The following TEX11 variants were observed in gnomAD, a reference collection of about 807,000 sequenced individuals.
The protein encoded by TEX11 is testis-expressed protein 11.
Under a neutral mutation model 84.4 loss-of-function variants are expected in TEX11, and 7 were observed. The observed-to-expected ratio is 0.08, with a 90% CI of 0.05 to 0.16. The LOEUF is 0.16. Ranked by LOEUF, TEX11 falls within the 10% of genes least tolerant of loss-of-function variation. The probability of loss-of-function intolerance (pLI) is 1.00; values close to 1 mark genes in which losing one functional copy is unlikely to be tolerated. For synonymous variants in TEX11, 264 were observed against 222.8 expected, an observed-to-expected ratio of 1.18 and a Z score of -1.64; for missense variants, 551 against 660.5, an observed-to-expected ratio of 0.83 and a Z score of 1.82.
chrX:70,844,004 CT>C (rs905160727), intron 7 of TEX11, among the ~76,000 whole-genome samples: 1 of 110,992 alleles, frequency 9.0e-6, no homozygotes, highest in Non-Finnish European at 1.9e-5. Context: ...TGCTTTTACA[CT>C]GTTGGTGGGA....
At chrX:70,718,547 CA>C (rs1247277026) in intron 13 of TEX11, among the ~76,000 whole-genome samples, 1 of 111,936 alleles carries the variant, frequency 8.9e-6, no homozygotes, top group East Asian at 2.8e-4. Flanking sequence ...TCATATTCAC[CA>C]AAAAGGTCAG....
chrX:70,604,101 CGGTAGTTA>C (rs2147520141), intron 24 of TEX11, among the ~76,000 whole-genome samples: 1 of 111,355 alleles, frequency 9.0e-6, no homozygotes. Flanking sequence ...TAAAAAAGAA[CGGTAGTTA>C]GAAACAAACA....
At chrX:70,835,756 T>C (rs1203732939) in intron 7 of TEX11, among the ~76,000 whole-genome samples, 2 of 111,969 alleles carry the variant, frequency 1.8e-5, no homozygotes, top group Non-Finnish European at 3.8e-5. Context: ...GGATCACAGA[T>C]GTGAAAGCAT....
intron 13 of TEX11, among the ~76,000 whole-genome samples, chrX:70,685,385 C>T (rs1603219717): frequency 9.0e-6 from 1 of 111,634 alleles, no homozygotes; most frequent in Non-Finnish European, 1.9e-5. Context: ...TGTGTTTGGA[C>T]AACTGGACAT....
intron 25 of TEX11, among the ~76,000 whole-genome samples, chrX:70,561,764 A>C (rs1307854724): frequency 8.9e-6 from 1 of 112,002 alleles, no homozygotes; most frequent in Non-Finnish European, 1.9e-5. Flanking sequence ...ATTTGCATAT[A>C]CATAATACAT....
chrX:70,700,715 G>A (rs894166652), intron 13 of TEX11, among the ~76,000 whole-genome samples: 3 of 112,387 alleles, frequency 2.7e-5, no homozygotes, highest in Non-Finnish European at 5.6e-5. Flanking sequence ...AGGAAGGCAT[G>A]TTGAAAGCCA....
intron 8 of TEX11, among the ~76,000 whole-genome samples, chrX:70,831,913 A>G (rs2091379023): frequency 9.0e-6 from 1 of 111,128 alleles, no homozygotes; most frequent in African/African-American, 3.3e-5. Flanking sequence ...CCCCCAATAA[A>G]GCTAGAAAAA....
At chrX:70,821,223 C>T (rs989671241) in intron 8 of TEX11, among the ~76,000 whole-genome samples, 2 of 111,846 alleles carry the variant, frequency 1.8e-5, no homozygotes, top group African/African-American at 6.5e-5. Flanking sequence ...GGCAAATGAT[C>T]TGAATAGACC....
In TEX11 at chrX:70,716,890, C is replaced by G. The variant is rs141172311; in HGVS notation, c.1004+5728G>C. Among the ~76,000 whole-genome samples the G allele has an allele frequency of 3.2e-3, 361 of 112,493 alleles. 5 individuals carry two copies. The East Asian group carries it at 0.051, about 16-fold the overall frequency. The stretch of plus-strand genomic sequence containing the variant: ...CGTCGCTCACGCTGGGAGCTGTAGA[C>G]TGGAGCTGTTCCTATTCAGCCATCT... On this transcript the variant is annotated intron_variant, in intron 13 of 29. Transcript: ENST00000374333.
chrX:70,677,338 T>A (rs1390631659), intron 15 of TEX11, among the ~76,000 whole-genome samples: 5 of 111,600 alleles, frequency 4.5e-5, no homozygotes, highest in Non-Finnish European at 9.4e-5. Context: ...CAATGCCCCA[T>A]GAATTAGAGG....
At chrX:70,679,401 T>C (rs1380345734) in intron 14 of TEX11, among the ~76,000 whole-genome samples, 1 of 76,750 alleles carries the variant, frequency 1.3e-5, no homozygotes, top group African/African-American at 5.0e-5. Context: ...CGGCCGCCCA[T>C]CGTCTGGGAT....
intron 2 of TEX11, among the ~76,000 whole-genome samples, chrX:70,883,565 G>A (rs745802760): frequency 9.0e-6 from 1 of 111,250 alleles, no homozygotes; most frequent in African/African-American, 3.3e-5. Flanking sequence ...CAGCCTAAGC[G>A]GCAGAGACTG....
intron 8 of TEX11, among the ~76,000 whole-genome samples, chrX:70,812,704 G>T (rs957927954): frequency 1.8e-5 from 2 of 110,862 alleles, no homozygotes; most frequent in South Asian, 7.7e-4. Flanking sequence ...CGCTAGCAAG[G>T]CTAATAAAGA....
intron 10 of TEX11, among the ~76,000 whole-genome samples, chrX:70,742,595 G>A (rs2090740760): frequency 9.1e-6 from 1 of 109,630 alleles, no homozygotes; most frequent in Admixed American, 9.9e-5. Flanking sequence ...CAGATGTGGT[G>A]GAGTGTACCT....
chrX:70,734,482 A>C (rs767320507), intron 11 of TEX11, among the ~76,000 whole-genome samples: 14 of 111,618 alleles, frequency 1.3e-4, no homozygotes, highest in Non-Finnish European at 2.6e-4. Context: ...TTATCTGTTT[A>C]GTAAGGTAAC....
chrX:70,679,083 C>T (rs1357372307), intron 14 of TEX11, among the ~76,000 whole-genome samples, 194 bp from the exon 15 acceptor site: 2 of 111,949 alleles, frequency 1.8e-5, no homozygotes, highest in Non-Finnish European at 3.8e-5. Context: ...CGATTGCAGG[C>T]GCGCGCCGCC....
chrX:70,803,780 T>C (rs1000010705), intron 9 of TEX11, among the ~76,000 whole-genome samples: 1 of 111,671 alleles, frequency 9.0e-6, no homozygotes, highest in African/African-American at 3.2e-5. Context: ...AATTAGCAGC[T>C]ATTCATCTCT....
At chrX:70,685,433 A>G (rs2090180261) in intron 13 of TEX11, among the ~76,000 whole-genome samples, 1 of 112,060 alleles carries the variant, frequency 8.9e-6, no homozygotes, top group Non-Finnish European at 1.9e-5. Context: ...ATCCTACAGC[A>G]CACACACAAA....
chrX:70,788,973 T>TATAGAGAGAGAGAGAG (rs1211700739), intron 9 of TEX11, among the ~76,000 whole-genome samples: 1 of 9,557 alleles, frequency 1.0e-4, no homozygotes, highest in Non-Finnish European at 1.8e-4. Flanking sequence ...TATATATATA[T>TATAGAGAGAGAGAGAG]AGAGAGAGAG....
Sources: allele counts gnomAD v4.1 joint callset (sites outside exome capture counted in the v4.1 genomes callset), GRCh38; gene constraint gnomAD v4.1.1; transcripts MANE v1.5; gene names NCBI Gene and HGNC (gene_info 2026-07-23, HGNC 2026-07-21).